BBS1: variants seen among roughly 807,000 people sequenced by gnomAD.
BBS1 encodes the protein BBSome complex member BBS1.
Under a neutral mutation model 73.9 loss-of-function variants are expected in BBS1, and 60 were observed. The ratio of observed to expected loss-of-function variants is 0.81; its 90% CI spans 0.66 to 1.01. The LOEUF (loss-of-function observed/expected upper bound fraction) is 1.01. Ranked by LOEUF, BBS1 falls within the 50% of genes least tolerant of loss-of-function variation. The probability of loss-of-function intolerance (pLI) is 0.00; values close to 1 mark genes in which losing one functional copy is unlikely to be tolerated. For missense variants in BBS1, 718 were observed against 770.3 expected (o/e 0.93, Z 0.80); for synonymous variants, 283 against 317.4 (o/e 0.89, Z 1.15).
chr11:66,526,159 C>T lies in BBS1; in HGVS notation c.1147C>T (p.Arg383Trp), dbSNP rs143495423. The change falls in exon 12 of 17, where the codon CGG becomes TGG. Residue 383 changes from arginine (R) to tryptophan (W), a missense_variant. Coordinates refer to ENST00000318312, the MANE Select transcript of BBS1 (RefSeq NM_024649.5). ...VTSLCFGRYG[R>W]EDNTLIMTTR... ...CAGCCTTTGCTTTGGCCGGTACGGG[C>T]GGGAGGACAACACCCTCATCATGAC... 132 of 1,614,046 alleles carry T rather than the reference C, an allele frequency of 8.2e-5. 1 individual carries two copies. The South Asian group carries it at 1.1e-3, about 14-fold the overall frequency.
At chr11:66,514,866 AG>A (rs1015823436) in intron 4 of BBS1, among the ~76,000 whole-genome samples, 188 bp downstream of exon 4, 58 of 151,262 alleles carry the variant, frequency 3.8e-4, no homozygotes, top group Admixed American at 5.9e-4. Context: ...CCCAGACTGG[AG>A]TGCAATGACG....
chr11:66,525,264 C>T (rs1195555857), intron 11 of BBS1, among the ~76,000 whole-genome samples: 1 of 150,496 alleles, frequency 6.6e-6, no homozygotes, highest in African/African-American at 2.5e-5. Flanking sequence ...GAGGCTGAGG[C>T]AGAAGAATCA....
intron 3 of BBS1, 58 bp from the exon 4 acceptor site, chr11:66,514,348 G>T: frequency 6.2e-7 from 1 of 1,602,038 alleles, no homozygotes; most frequent in Non-Finnish European, 8.5e-7. Flanking sequence ...GGCAAGAAGA[G>T]GGTCAGTGGA....
Position 66,523,543 on chromosome 11 carries a change from C to G in BBS1, c.918C>G (p.Ser306Arg), listed in dbSNP as rs1347967818. 6.2e-7 allele frequency: 1 copy of G among 1,614,020 alleles called. No homozygotes were observed. Among genetic ancestry groups the G allele is most frequent in the Non-Finnish European group, 8.5e-7 (1 of 1,180,028 alleles). The change falls in exon 10 of 17, where the codon AGC (serine) becomes AGG (arginine). Residue 306 changes from serine to arginine, a missense_variant. Physicochemically the swap from Ser to Arg is moderately radical, Grantham distance 110 (BLOSUM62 -1). Coordinates refer to ENST00000318312, the MANE Select transcript of BBS1 (RefSeq NM_024649.5). ...IRVHKVLVVGSTQDSLHGFTH... is the reference protein window; with the variant it reads ...IRVHKVLVVGRTQDSLHGFTH... ...TACACAAGGTCCTAGTGGTGGGCAG[C>G]ACCCAAGACAGCCTGCATGGCTTCA...
intron 13 of BBS1, 41 bp downstream of exon 13, chr11:66,526,848 C>G (rs768636072): frequency 1.2e-6 from 2 of 1,614,064 alleles, no homozygotes; most frequent in Non-Finnish European, 1.7e-6. Flanking sequence ...TCCTCCTCCA[C>G]TGCTCCTACA....
Position 66,519,717 on chromosome 11 carries a change from T to C in BBS1, c.692T>C (p.Leu231Pro). 2 of 1,613,796 alleles carry C rather than the reference T, an allele frequency of 1.2e-6. No homozygotes were observed. Among genetic ancestry groups the C allele is most frequent in the African/African-American group, 1.3e-5 (1 of 75,042 alleles). Residue 231 changes from leucine to proline, a missense_variant, in exon 8 of 17, where the codon CTT (leucine) becomes CCT (proline). Physicochemically the swap from Leu to Pro is moderately conservative, Grantham distance 98. Coordinates refer to ENST00000318312, the MANE Select transcript of BBS1 (RefSeq NM_024649.5). ...ACCGAGAACAAGGAGCTCCTGGTGC[T>C]TGACCCCGAGGCCTTCACCATTTTA... ...LGTENKELLV[L>P]DPEAFTILAK...
At chr11:66,531,097 A>G in intron 15 of BBS1, 69 bp downstream of exon 15, 1 of 1,593,892 alleles carries the variant, frequency 6.3e-7, no homozygotes, top group Non-Finnish European at 8.6e-7. Context: ...AGATGCCCAC[A>G]GAGCCCCGCC....
chr11:66,514,987 T>C (rs1856018658), intron 4 of BBS1, among the ~76,000 whole-genome samples: 1 of 152,072 alleles, frequency 6.6e-6, no homozygotes, highest in Admixed American at 6.6e-5. Flanking sequence ...GGCGAATTTT[T>C]TGTATGTGTT....
At chr11:66,512,159 A>G (rs747387717) in intron 3 of BBS1, among the ~76,000 whole-genome samples, 4 of 151,770 alleles carry the variant, frequency 2.6e-5, no homozygotes, top group Non-Finnish European at 4.4e-5. Context: ...GGATAAAAGA[A>G]AGGAAGTTAG....
intron 3 of BBS1, 117 bp from the exon 4 acceptor site, chr11:66,514,289 G>A (rs1590756315): frequency 1.4e-6 from 2 of 1,404,686 alleles, no homozygotes; most frequent in East Asian, 2.3e-5. Context: ...AAAGCCTGAG[G>A]GCAAAGCCTT....
intron 4 of BBS1, 73 bp from the exon 5 acceptor site, chr11:66,515,467 G>A: frequency 6.6e-7 from 1 of 1,510,700 alleles, no homozygotes; most frequent in Non-Finnish European, 9.2e-7. Flanking sequence ...GAAGTGTGGA[G>A]CTGTCTGGGG....
At position 66,521,363 on chromosome 11, in the gene BBS1, T is replaced by C. The variant is rs1856209031; in HGVS notation, c.817T>C (p.Tyr273His). Residue 273 changes from tyrosine to histidine, a missense_variant, in exon 9 of 17, where the codon TAT (tyrosine) becomes CAT (histidine). Coordinates refer to ENST00000318312, the MANE Select transcript of BBS1 (RefSeq NM_024649.5). ...CGCGGCCTGCCGCAATGGAAACATC[T>C]ATATTCTGAGAAGGTAGCCACATCC... Reference protein sequence around the residue: ...LAAACRNGNIYILRRDSKHPK... With the variant: ...LAAACRNGNIHILRRDSKHPK... 2 of 1,614,054 alleles carry C rather than the reference T, an allele frequency of 1.2e-6. No individual in the cohort carries two copies. Among genetic ancestry groups the C allele is most frequent in the Admixed American group, 1.7e-5 (1 of 60,032 alleles).
intron 13 of BBS1, chr11:66,529,518 G>C: frequency 1.4e-6 from 1 of 716,426 alleles, no homozygotes; most frequent in Non-Finnish European, 2.5e-6. Context: ...GATGAGAAGA[G>C]GACCATGGAC....
In BBS1 at chr11:66,524,918, G is replaced by T. The variant is rs1856417119; in HGVS notation, c.1110+1036G>T. The stretch of plus-strand genomic sequence containing the variant: ...AAAAATAAACAAATTAGCCGGGTAT[G>T]GGCCGGGCACGGTGGCTCACGTCTG... On this transcript the variant is annotated intron_variant, in intron 11 of 16. Transcript: ENST00000318312. 3.3e-5 allele frequency among the ~76,000 whole-genome samples: 5 copies of T among 152,064 alleles called. No individual in the cohort carries two copies. In the South Asian group the frequency reaches 8.3e-4, roughly 25 times the overall value.
chr11:66,530,720 C>T (rs111915193), intron 14 of BBS1, among the ~76,000 whole-genome samples, 174 bp from the exon 15 acceptor site: 5 of 152,270 alleles, frequency 3.3e-5, no homozygotes, highest in African/African-American at 1.2e-4. Context: ...GGCTCTTGCC[C>T]TCTCTGGCCT....
chr11:66,521,989 G>T (rs1856253060), intron 9 of BBS1, among the ~76,000 whole-genome samples: 1 of 150,510 alleles, frequency 6.6e-6, no homozygotes, highest in Non-Finnish European at 1.5e-5. Context: ...AGGCCAACGT[G>T]GGTGGATCAT....
intron 7 of BBS1, among the ~76,000 whole-genome samples, chr11:66,518,724 T>G (rs574438799): frequency 1.0e-3 from 153 of 151,936 alleles, no homozygotes; most frequent in Non-Finnish European, 1.7e-3. Flanking sequence ...AGTGCTGGGC[T>G]TACAGGTGTG....
Position 66,511,254 on chromosome 11 carries a change from C to G in BBS1, c.159+15C>G, listed in dbSNP as rs751245532. 6.2e-7 allele frequency: 1 copy of G among 1,614,060 alleles called. No individual in the cohort carries two copies. Among genetic ancestry groups the G allele is most frequent in the Non-Finnish European group, 8.5e-7 (1 of 1,179,974 alleles). The stretch of plus-strand genomic sequence containing the variant: ...GGGAATACAAGGTAAGCATATCACC[C>G]TAGCCAGGAGAGTTGAGGGTAGGGG... On this transcript the variant is annotated intron_variant, in intron 3 of 16. Transcript: ENST00000318312.
rs1471810620 is a variant in BBS1 at position 66,515,933 on chromosome 11, G to C, written c.591G>C (p.Gln197His). The C allele has an allele frequency of 6.2e-7, 1 of 1,614,094 alleles. No individual in the cohort carries two copies. ...NQHKSNSIKR[Q>H]TVITTMTTLK... Reference sequence around the variant, plus strand: ...ACAAGTCCAACTCCATCAAGCGGCAGGTAATACCCCCTTCTCTTTTTATTT... The same window carrying C: ...ACAAGTCCAACTCCATCAAGCGGCACGTAATACCCCCTTCTCTTTTTATTT... Residue 197 changes from glutamine (Q) to histidine (H), a missense_variant and splice_region_variant, in exon 7 of 17, where the codon CAG becomes CAC. Coordinates refer to ENST00000318312, the MANE Select transcript of BBS1 (RefSeq NM_024649.5).
Sources: gnomAD v4.1 joint callset for allele counts (sites outside exome capture counted in the v4.1 genomes callset) on GRCh38, gnomAD v4.1.1 for gene constraint, MANE v1.5 for transcripts, NCBI Gene and HGNC (gene_info 2026-07-23, HGNC 2026-07-21) for gene names.